PTPRD: variants seen among roughly 807,000 people sequenced by gnomAD.
PTPRD encodes receptor-type tyrosine-protein phosphatase delta.
PTPRD carries 34 observed loss-of-function variants against 214.5 expected under a neutral mutation model. That is an observed-to-expected ratio of 0.16 (90% CI 0.12 to 0.21). The LOEUF (loss-of-function observed/expected upper bound fraction) is 0.21, where lower values mean the gene tolerates loss of function less well. Among genes scored for constraint, PTPRD ranks in the 10% least tolerant of loss-of-function variants. The pLI is 1.00. For missense variants in PTPRD, 2,545 were observed against 2,398.7 expected, an observed-to-expected ratio of 1.06 and a Z score of -1.27; for synonymous variants, 1,128 against 845.7, an observed-to-expected ratio of 1.33 and a Z score of -5.79.
chr9:10,007,629 T>A (rs1201169142), intron 4 of PTPRD, among the ~76,000 whole-genome samples: 1 of 151,916 alleles, frequency 6.6e-6, no homozygotes, highest in Non-Finnish European at 1.5e-5. Flanking sequence ...ACATCAAAAT[T>A]GTTCTTTTGA....
intron 9 of PTPRD, among the ~76,000 whole-genome samples, chr9:9,208,171 C>T (rs1042981120): frequency 2.0e-5 from 3 of 151,598 alleles, no homozygotes; most frequent in South Asian, 2.1e-4. Context: ...CCCGCCACCA[C>T]GCCCGGCTAA....
chr9:9,953,330 G>T (rs544612411), intron 4 of PTPRD, among the ~76,000 whole-genome samples: 4 of 151,798 alleles, frequency 2.6e-5, no homozygotes, highest in Non-Finnish European at 5.9e-5. Context: ...TGAGCAAAAG[G>T]GATAAAAAGA....
At chr9:9,032,169 C>A (rs1232024221) in intron 10 of PTPRD, among the ~76,000 whole-genome samples, 1 of 151,862 alleles carries the variant, frequency 6.6e-6, no homozygotes, top group East Asian at 1.9e-4. Flanking sequence ...AAGAGAGTTC[C>A]CAGCTGCTAC....
At chr9:8,702,325 T>A (rs906165871) in intron 12 of PTPRD, among the ~76,000 whole-genome samples, 3 of 152,172 alleles carry the variant, frequency 2.0e-5, no homozygotes, top group Non-Finnish European at 4.4e-5. Flanking sequence ...ACTGTGCTTA[T>A]TTGGTGTGCC....
intron 3 of PTPRD, among the ~76,000 whole-genome samples, chr9:10,059,424 C>T (rs975576901): frequency 6.6e-6 from 1 of 152,046 alleles, no homozygotes; most frequent in Non-Finnish European, 1.5e-5. Flanking sequence ...TTTTACAAGG[C>T]AGTTGCTGGT....
intron 12 of PTPRD, among the ~76,000 whole-genome samples, chr9:8,724,626 C>T (rs1697582280): frequency 6.6e-6 from 1 of 152,112 alleles, no homozygotes; most frequent in African/African-American, 2.4e-5. Context: ...GGAGCCTTGT[C>T]TTACCCAGTC....
intron 26 of PTPRD, among the ~76,000 whole-genome samples, chr9:8,495,360 CCTAA>C (rs888569451): frequency 5.9e-5 from 9 of 152,280 alleles, no homozygotes; most frequent in East Asian, 1.9e-4. Context: ...TTTTATTGAT[CCTAA>C]CTATCACTTT....
intron 5 of PTPRD, among the ~76,000 whole-genome samples, chr9:9,785,540 G>A (rs2244516): frequency 0.65 from 98,962 of 151,724 alleles, 33,065 homozygotes; most frequent in Middle Eastern, 0.81. Context: ...GAGGCATTCC[G>A]CAAAACAACT....
intron 8 of PTPRD, among the ~76,000 whole-genome samples, chr9:9,510,383 A>T (rs1292619367): frequency 6.6e-6 from 1 of 151,654 alleles, no homozygotes; most frequent in East Asian, 1.9e-4. Flanking sequence ...ACTTCCCAGC[A>T]TATATTAGGC....
chr9:9,596,550 C>G (rs1021519201), intron 7 of PTPRD, among the ~76,000 whole-genome samples: 1 of 151,818 alleles, frequency 6.6e-6, no homozygotes, highest in African/African-American at 2.4e-5. Context: ...GTGATTTTAG[C>G]AATGTTTTTC....
At chr9:8,834,516 T>C (rs1167035658) in intron 11 of PTPRD, among the ~76,000 whole-genome samples, 1 of 152,206 alleles carries the variant, frequency 6.6e-6, no homozygotes, top group Admixed American at 6.5e-5. Flanking sequence ...AGGGAGGAAT[T>C]ACGGCAAAGG....
intron 5 of PTPRD, among the ~76,000 whole-genome samples, chr9:9,862,510 C>T (rs1396028425): frequency 2.6e-5 from 4 of 152,156 alleles, no homozygotes; most frequent in Non-Finnish European, 5.9e-5. Flanking sequence ...AGCTTTTTCC[C>T]ATATTTTCTC....
chr9:8,372,955 T>C (rs1345755370), intron 39 of PTPRD, among the ~76,000 whole-genome samples: 1 of 152,042 alleles, frequency 6.6e-6, no homozygotes, highest in Non-Finnish European at 1.5e-5. Flanking sequence ...ACTTTGTCAC[T>C]ACTTCTTTAA....
intron 11 of PTPRD, among the ~76,000 whole-genome samples, chr9:8,959,835 C>A (rs763747298): frequency 2.6e-5 from 4 of 151,900 alleles, no homozygotes; most frequent in African/African-American, 9.7e-5. Context: ...GGCATGTAGA[C>A]GGAGTTGCTA....
At chr9:9,606,212 C>T (rs1055935296) in intron 7 of PTPRD, among the ~76,000 whole-genome samples, 5 of 151,988 alleles carry the variant, frequency 3.3e-5, no homozygotes, top group Non-Finnish European at 7.4e-5. Flanking sequence ...TATTAAATGC[C>T]TAATAGACTT....
intron 10 of PTPRD, among the ~76,000 whole-genome samples, chr9:9,091,713 C>G (rs1591468722): frequency 6.6e-6 from 1 of 152,134 alleles, no homozygotes; most frequent in Admixed American, 6.5e-5. Flanking sequence ...TTCCCAATCA[C>G]AAGGAAACTA....
intron 5 of PTPRD, among the ~76,000 whole-genome samples, chr9:9,834,088 G>C (rs2055953612): frequency 1.3e-5 from 2 of 152,150 alleles, no homozygotes; most frequent in South Asian, 4.2e-4. Context: ...TACAATTTAT[G>C]TTTAGAGATT....
chr9:10,248,264 G>A (rs2092392084), intron 3 of PTPRD, among the ~76,000 whole-genome samples: 1 of 151,982 alleles, frequency 6.6e-6, no homozygotes, highest in South Asian at 2.1e-4. Context: ...AACGTTTTTT[G>A]GGGTGATCCT....
At chr9:9,281,280 C>T (rs545296566) in intron 9 of PTPRD, among the ~76,000 whole-genome samples, 1 of 151,290 alleles carries the variant, frequency 6.6e-6, no homozygotes, top group East Asian at 2.0e-4. Flanking sequence ...TTAAATACTT[C>T]TGCTCTGCAA....
Sources: allele counts gnomAD v4.1 joint callset (sites outside exome capture counted in the v4.1 genomes callset), GRCh38; gene constraint gnomAD v4.1.1; transcripts MANE v1.5; gene names NCBI Gene and HGNC (gene_info 2026-07-23, HGNC 2026-07-21).